Variants in MARCHF1 observed in about 807,000 individuals in gnomAD.
The protein encoded by MARCHF1 is membrane associated ring-CH-type finger 1.
Under a neutral mutation model 54.2 loss-of-function variants are expected in MARCHF1, and 40 were observed. The ratio of observed to expected loss-of-function variants is 0.74; its 90% confidence interval spans 0.57 to 0.96. The LOEUF (loss-of-function observed/expected upper bound fraction) is 0.96. MARCHF1 is among the 40% of genes least tolerant of loss of function. The pLI, the probability that MARCHF1 is intolerant of heterozygous loss-of-function variation, is 0.00. For missense variants in MARCHF1, 586 were observed against 656.5 expected (o/e 0.89, Z 1.17); for synonymous variants, 236 against 236.3 (o/e 1.00, Z 0.01).
At chr4:164,047,764 T>A (rs1008577430) in intron 2 of MARCHF1, among the ~76,000 whole-genome samples, 29 of 152,188 alleles carry the variant, frequency 1.9e-4, no homozygotes, top group African/African-American at 7.0e-4. Flanking sequence ...TAAAATGACT[T>A]CTTCCTTGAG....
rs183892011 is a variant in MARCHF1, at chr4:164,112,325, G to T, written c.-322-663C>A. ...ATCCACTCAATAGAAGACATACATG[G>T]CTACAATACTAAATTGCCTTTGTTT... On this transcript the variant is annotated intron_variant, in intron 1 of 9. Coordinates refer to ENST00000514618, the MANE Select transcript of MARCHF1 (RefSeq NM_001394959.1). Among the ~76,000 whole-genome samples, 12 of 151,894 alleles carry T rather than the reference G, an allele frequency of 7.9e-5. No individual in the cohort carries two copies. The East Asian group carries it at 2.3e-3, about 29-fold the overall frequency.
At chr4:163,734,092 A>G (rs555073136) in intron 4 of MARCHF1, among the ~76,000 whole-genome samples, 123 of 152,328 alleles carry the variant, frequency 8.1e-4, no homozygotes, top group African/African-American at 2.7e-3. Context: ...TGCAAATTAA[A>G]TCCACAGTGA....
chr4:164,213,303 T>C (rs1181929904), intron 1 of MARCHF1, among the ~76,000 whole-genome samples: 1 of 151,334 alleles, frequency 6.6e-6, no homozygotes, highest in African/African-American at 2.4e-5. Flanking sequence ...GCGCAAGCTC[T>C]GCTCACTGAA....
intron 5 of MARCHF1, among the ~76,000 whole-genome samples, chr4:163,623,190 C>G (rs1269303146): frequency 6.6e-6 from 1 of 152,150 alleles, no homozygotes; most frequent in Non-Finnish European, 1.5e-5. Flanking sequence ...GCACTAGGAT[C>G]AGGAGATGAT....
intron 5 of MARCHF1, among the ~76,000 whole-genome samples, chr4:163,625,847 C>T (rs1023431779): frequency 1.3e-5 from 2 of 152,112 alleles, no homozygotes; most frequent in Non-Finnish European, 2.9e-5. Context: ...CTGGAAGGGT[C>T]TTTTTAAAAA....
At chr4:164,139,986 G>C (rs961078763) in intron 1 of MARCHF1, among the ~76,000 whole-genome samples, 1 of 151,920 alleles carries the variant, frequency 6.6e-6, no homozygotes, top group Admixed American at 6.6e-5. Flanking sequence ...CTTGTTAATT[G>C]ATCTGTTTTT....
At chr4:163,690,779 G>GT in intron 5 of MARCHF1, among the ~76,000 whole-genome samples, 1 of 152,274 alleles carries the variant, frequency 6.6e-6, no homozygotes. Flanking sequence ...AGCTAGAATG[G>GT]TAACAGATTG....
intron 5 of MARCHF1, among the ~76,000 whole-genome samples, chr4:163,639,290 C>G (rs1742469804): frequency 6.6e-6 from 1 of 152,052 alleles, no homozygotes; most frequent in Non-Finnish European, 1.5e-5. Flanking sequence ...TTTATAGTCC[C>G]TGATACAAAT....
intron 3 of MARCHF1, among the ~76,000 whole-genome samples, chr4:163,887,496 A>C (rs1174135900): frequency 6.6e-6 from 1 of 152,112 alleles, no homozygotes; most frequent in African/African-American, 2.4e-5. Flanking sequence ...TATCACCCAG[A>C]ACCTGTTAGA....
chr4:164,269,746 T>G (rs1377472255), intron 1 of MARCHF1, among the ~76,000 whole-genome samples: 1 of 152,010 alleles, frequency 6.6e-6, no homozygotes, highest in African/African-American at 2.4e-5. Flanking sequence ...CAAAGCCTGG[T>G]TTTTGTGTTT....
intron 5 of MARCHF1, among the ~76,000 whole-genome samples, chr4:163,691,793 T>G (rs1227337282): frequency 2.6e-5 from 4 of 152,184 alleles, no homozygotes; most frequent in African/African-American, 9.6e-5. Context: ...GGTGGAGGTT[T>G]TTCCCCACGC....
intron 8 of MARCHF1, among the ~76,000 whole-genome samples, chr4:163,569,051 T>C (rs1365044763): frequency 2.0e-5 from 3 of 152,188 alleles, no homozygotes; most frequent in South Asian, 2.1e-4. Context: ...GCTGAGTTTT[T>C]CACTTCTGCT....
intron 4 of MARCHF1, among the ~76,000 whole-genome samples, chr4:163,831,385 A>T (rs1413045607): frequency 1.3e-5 from 2 of 152,190 alleles, no homozygotes; most frequent in African/African-American, 4.8e-5. Flanking sequence ...GGACTTCAAA[A>T]TCAGCCTGGG....
chr4:164,367,174 C>A (rs529460327), intron 1 of MARCHF1, among the ~76,000 whole-genome samples: 5 of 152,108 alleles, frequency 3.3e-5, no homozygotes, highest in Non-Finnish European at 7.4e-5. Context: ...TACTCATGTC[C>A]AAATTTCTCC....
chr4:164,348,578 T>C (rs1240832603), intron 1 of MARCHF1, among the ~76,000 whole-genome samples: 1 of 152,188 alleles, frequency 6.6e-6, no homozygotes, highest in Non-Finnish European at 1.5e-5. Flanking sequence ...TAAGAAGGCT[T>C]AGAGACAGAT....
chr4:163,819,719 C>T (rs933384273), intron 4 of MARCHF1, among the ~76,000 whole-genome samples: 1 of 152,014 alleles, frequency 6.6e-6, no homozygotes, highest in South Asian at 2.1e-4. Flanking sequence ...CGTCCTAATG[C>T]TCTCCCCAAT....
At chr4:163,888,099 G>A (rs1463133881) in intron 3 of MARCHF1, among the ~76,000 whole-genome samples, 2 of 152,114 alleles carry the variant, frequency 1.3e-5, no homozygotes, top group African/African-American at 4.8e-5. Context: ...ATTAACCTAT[G>A]TTGGGTGCAA....
intron 4 of MARCHF1, among the ~76,000 whole-genome samples, chr4:163,839,386 A>T (rs1317411089): frequency 6.6e-6 from 1 of 152,106 alleles, no homozygotes; most frequent in African/African-American, 2.4e-5. Flanking sequence ...GAATATAAAA[A>T]TATAGGTTCA....
rs114829923 is a variant in MARCHF1 at position 164,013,596 on chromosome 4, C to T, written c.-247-24887G>A. Among the ~76,000 whole-genome samples, 406 of 152,088 alleles carry T rather than the reference C, an allele frequency of 2.7e-3. 2 individuals carry two copies. Among genetic ancestry groups the T allele is most frequent in the African/African-American group, 9.1e-3 (377 of 41,500 alleles). The stretch of plus-strand genomic sequence containing the variant: ...AGACTACCTCAAGGCATGTAATAAA[C>T]TCTCAAAGGTCAAGGATACAGAAAG... On this transcript the variant is annotated intron_variant, in intron 2 of 9. Transcript: ENST00000514618.
Sources: gnomAD v4.1 joint callset for allele counts (sites outside exome capture counted in the v4.1 genomes callset) on GRCh38, gnomAD v4.1.1 for gene constraint, MANE v1.5 for transcripts, NCBI Gene and HGNC (gene_info 2026-07-23, HGNC 2026-07-21) for gene names.